The following ENPP4 variants were observed in gnomAD, a reference collection of about 807,000 sequenced individuals.
ENPP4 encodes the protein bis(5'-adenosyl)-triphosphatase ENPP4.
A neutral mutation model predicts 33.4 loss-of-function variants in ENPP4; 18 were observed. The observed-to-expected ratio is 0.54, with a 90% confidence interval of 0.37 to 0.80. The LOEUF is 0.80. ENPP4 is among the 30% of genes least tolerant of loss of function. ENPP4 has a pLI of 0.00. For missense variants in ENPP4, 480 were observed against 541.7 expected (o/e 0.89, Z 1.13); for synonymous variants, 172 against 189.9 (o/e 0.91, Z 0.78).
intron 1 of ENPP4, among the ~76,000 whole-genome samples, chr6:46,132,397 T>C (rs1465761338): frequency 1.3e-5 from 2 of 152,224 alleles, no homozygotes; most frequent in Admixed American, 6.5e-5. Context: ...CCCAGCACCA[T>C]TTATGAAATA....
At position 46,141,094 on chromosome 6, in the gene ENPP4, A is replaced by C. The variant is rs1452379652; in HGVS notation, c.869A>C (p.His290Pro). ...AACAAACTGAAAAACTGTAGCCCTC[A>C]TATGAATGTTTATCTCAAAGAAGAC... ...VYNKLKNCSP[H>P]MNVYLKEDIP... The change falls in exon 3 of 4, where the codon CAT (histidine) becomes CCT (proline). Residue 290 changes from histidine to proline, a missense_variant. Coordinates refer to ENST00000321037, the MANE Select transcript of ENPP4 (RefSeq NM_014936.5). 1 of 1,607,230 alleles carries C rather than the reference A, an allele frequency of 6.2e-7. No individual in the cohort carries two copies. Among genetic ancestry groups the C allele is most frequent in the South Asian group, 1.1e-5 (1 of 90,790 alleles).
At chr6:46,131,316 C>G (rs529842349) in intron 1 of ENPP4, among the ~76,000 whole-genome samples, 1 of 151,800 alleles carries the variant, frequency 6.6e-6, no homozygotes, top group African/African-American at 2.4e-5. Context: ...CCCTTCCCCC[C>G]ACCCCACAAC....
At chr6:46,133,028 T>A (rs1212209599) in intron 1 of ENPP4, among the ~76,000 whole-genome samples, 2 of 152,178 alleles carry the variant, frequency 1.3e-5, no homozygotes, top group Non-Finnish European at 2.9e-5. Flanking sequence ...TGAAGTTGCT[T>A]ATCAGCTTAA....
At position 46,141,130 on chromosome 6, in the gene ENPP4, G is replaced by A; in HGVS notation, c.905G>A (p.Arg302Lys). 6.2e-7 allele frequency: 1 copy of A among 1,608,280 alleles called. No individual in the cohort carries two copies. The highest frequency in any genetic ancestry group is 8.5e-7 in the Non-Finnish European group (1 of 1,175,930). Residue 302 changes from arginine (R) to lysine (K), a missense_variant, in exon 3 of 4, where the codon AGA becomes AAA. Transcript: ENST00000321037. ...NVYLKEDIPNRFYYQHNDRIQ... is the reference protein window; with the variant it reads ...NVYLKEDIPNKFYYQHNDRIQ... Reference sequence around the variant, plus strand: ...TATCTCAAAGAAGACATTCCTAACAGATTTTATTACCAACATAATGATCGA... The same window carrying A: ...TATCTCAAAGAAGACATTCCTAACAAATTTTATTACCAACATAATGATCGA...
intron 1 of ENPP4, 137 bp from the exon 2 acceptor site, chr6:46,139,410 TTAAA>T: frequency 1.9e-6 from 1 of 520,240 alleles, no homozygotes; most frequent in Non-Finnish European, 3.4e-6. Flanking sequence ...TTAGTTATTT[TTAAA>T]TAAATGGTAT....
Position 46,140,195 on chromosome 6 carries a change from CAG to C in ENPP4, c.615_616del (p.Arg205SerfsTer7). On this transcript the variant is annotated frameshift_variant, in exon 2 of 4. Coordinates refer to ENST00000321037, the MANE Select transcript of ENPP4 (RefSeq NM_014936.5). LOFTEE classifies it high-confidence loss of function. ...GACCTGAAGATAAAGAAAACATGAG[CAG>C]AGTGTTGAAAAAAATAGATGATCTT... ...YGPEDKENMS[R>X]VLKKIDDLIG... 1 of 1,612,450 alleles carries C rather than the reference CAG, an allele frequency of 6.2e-7. No individual in the cohort carries two copies. The highest frequency in any genetic ancestry group is 8.5e-7 in the Non-Finnish European group (1 of 1,178,998).
intron 2 of ENPP4, among the ~76,000 whole-genome samples, chr6:46,140,730 C>T (rs1228540230): frequency 6.6e-6 from 1 of 151,594 alleles, no homozygotes; most frequent in Admixed American, 6.6e-5. Flanking sequence ...GTACTTTCTT[C>T]TACTGATCAT....
chr6:46,146,125 G>A lies in ENPP4; in HGVS notation c.*2485G>A, dbSNP rs1233351812. The stretch of plus-strand genomic sequence containing the variant: ...GTAATAGGAAAAGTTTGAGTTAAGT[G>A]TTTTTAATTCAGTCAGTGAATTCAG... On this transcript the variant is annotated 3_prime_UTR_variant, in exon 4 of 4. Coordinates refer to ENST00000321037, the MANE Select transcript of ENPP4 (RefSeq NM_014936.5). The A allele has an allele frequency of 1.3e-5, 2 of 151,922 alleles. No individual in the cohort carries two copies. Among genetic ancestry groups the A allele is most frequent in the Non-Finnish European group, 2.9e-5 (2 of 67,842 alleles). 9.4% of individuals were successfully genotyped at this position (151,922 alleles called of 1,614,324 possible).
chr6:46,137,249 A>G (rs1323562203), intron 1 of ENPP4, among the ~76,000 whole-genome samples: 1 of 151,722 alleles, frequency 6.6e-6, no homozygotes, highest in Non-Finnish European at 1.5e-5. Flanking sequence ...CAGAGCAGTA[A>G]ATAGTGTTTT....
At chr6:46,142,542 C>T (rs1764082807) in intron 3 of ENPP4, among the ~76,000 whole-genome samples, 1 of 146,484 alleles carries the variant, frequency 6.8e-6, no homozygotes, top group Admixed American at 6.9e-5. Context: ...TGCTTTTTGT[C>T]ATATTGGTTA....
Position 46,139,710 on chromosome 6 carries a change from A to G in ENPP4, c.127A>G (p.Asn43Asp). The G allele has an allele frequency of 6.2e-7, 1 of 1,610,594 alleles. No individual in the cohort carries two copies. Among genetic ancestry groups the G allele is most frequent in the Non-Finnish European group, 8.5e-7 (1 of 1,177,504 alleles). ...TGGCTTCAGAGCTGATTATCTGAAG[A>G]ACTATGAATTTCCTCATCTCCAGAA... is the stretch of plus-strand genomic sequence containing the variant. Reference protein sequence around the residue: ...FDGFRADYLKNYEFPHLQNFI... With the variant: ...FDGFRADYLKDYEFPHLQNFI... The change falls in exon 2 of 4, where the codon AAC (asparagine) becomes GAC (aspartate). Residue 43 changes from asparagine to aspartate, a missense_variant. Coordinates refer to ENST00000321037, the MANE Select transcript of ENPP4 (RefSeq NM_014936.5).
At chr6:46,134,343 TTGTC>T (rs1024024928) in intron 1 of ENPP4, among the ~76,000 whole-genome samples, 1 of 152,118 alleles carries the variant, frequency 6.6e-6, no homozygotes, top group Non-Finnish European at 1.5e-5. Context: ...TCTTTCCACT[TTGTC>T]TGTACTACTT....
rs1562061039 is a variant in ENPP4 at position 46,142,372 on chromosome 6, G to GTATATTA, written c.998-891_998-885dup. ...ATGTAATATATATAATATATATAATGTATATTATATATTATATATAATATA... is the reference window on the plus strand; with the variant it reads ...ATGTAATATATATAATATATATAATGTATATTATATATTATATATTATATATAATATA... On this transcript the variant is annotated intron_variant, in intron 3 of 3. Coordinates refer to ENST00000321037, the MANE Select transcript of ENPP4 (RefSeq NM_014936.5). Among the ~76,000 whole-genome samples the GTATATTA allele has an allele frequency of 3.2e-4, 45 of 142,684 alleles. No homozygotes were observed. In the South Asian group the frequency reaches 9.0e-3, roughly 28 times the overall value. The allele number at this position is 142,684 out of a possible 152,430, so 93.6% of individuals were successfully genotyped here.
rs1764052180 is a variant in ENPP4, at chr6:46,140,964, A to G, written c.827-88A>G. 6.3e-6 allele frequency: 5 copies of G among 790,348 alleles called. No homozygotes were observed. In the South Asian group the frequency reaches 7.6e-5, roughly 12 times the overall value. 49.0% of individuals were successfully genotyped at this position (790,348 alleles called of 1,614,324 possible). A position where few individuals can be genotyped will look rare whatever the true frequency, so the allele number is the denominator to read the frequency against. ...AGTGATTTAATAGATGACATTATCT[A>G]TAATTTACTTCCAATTATTCTAGTT... is the stretch of plus-strand genomic sequence containing the variant. On this transcript the variant is annotated intron_variant, in intron 2 of 3. Coordinates refer to ENST00000321037, the MANE Select transcript of ENPP4 (RefSeq NM_014936.5).
intron 1 of ENPP4, among the ~76,000 whole-genome samples, chr6:46,131,199 T>C (rs1384925590): frequency 2.6e-5 from 4 of 152,172 alleles, no homozygotes; most frequent in Admixed American, 1.3e-4. Context: ...AGGGTACATG[T>C]GCACAATGTG....
At chr6:46,133,502 G>A (rs956105516) in intron 1 of ENPP4, among the ~76,000 whole-genome samples, 2 of 152,096 alleles carry the variant, frequency 1.3e-5, no homozygotes, top group African/African-American at 4.8e-5. Flanking sequence ...CTTCACATGG[G>A]CTAGGAATGC....
At chr6:46,131,985 G>A (rs1056494837) in intron 1 of ENPP4, among the ~76,000 whole-genome samples, 19 of 152,062 alleles carry the variant, frequency 1.2e-4, no homozygotes, top group South Asian at 1.2e-3. Context: ...CATGTCCTTC[G>A]CCCACTTTTT....
chr6:46,131,429 G>A (rs923105177), intron 1 of ENPP4, among the ~76,000 whole-genome samples: 4 of 151,766 alleles, frequency 2.6e-5, no homozygotes, highest in Non-Finnish European at 5.9e-5. Context: ...TTGTTCTTGC[G>A]ATAGTTTACT....
At chr6:46,132,659 A>C (rs1763918116) in intron 1 of ENPP4, among the ~76,000 whole-genome samples, 1 of 152,132 alleles carries the variant, frequency 6.6e-6, no homozygotes, top group Admixed American at 6.5e-5. Flanking sequence ...GTTCCATATG[A>C]ACTTTAAAGT....
Sources: allele counts gnomAD v4.1 joint callset (sites outside exome capture counted in the v4.1 genomes callset), GRCh38; gene constraint gnomAD v4.1.1; transcripts MANE v1.5; gene names NCBI Gene and HGNC (gene_info 2026-07-23, HGNC 2026-07-21).